EDA: variants seen among roughly 807,000 people sequenced by gnomAD.
EDA encodes ectodysplasin A, also known as ectodysplasin-A.
EDA carries 2 observed loss-of-function variants against 23.6 expected under a neutral mutation model. The ratio of observed to expected loss-of-function variants is 0.08; its 90% CI spans 0.03 to 0.27. The LOEUF (loss-of-function observed/expected upper bound fraction) is 0.27. EDA is among the 10% of genes least tolerant of loss of function. The pLI, the probability that EDA is intolerant of heterozygous loss-of-function variation, is 1.00. For missense variants in EDA, 229 were observed against 324.2 expected (o/e 0.71, Z 2.26); for synonymous variants, 131 against 132.0 (o/e 0.99, Z 0.05).
chrX:69,927,150 A>G (rs1433605214), intron 1 of EDA, among the ~76,000 whole-genome samples: 2 of 111,630 alleles, frequency 1.8e-5, no homozygotes, highest in Admixed American at 9.5e-5. Flanking sequence ...TAGCCCATTT[A>G]CATTTAAGGT....
intron 1 of EDA, among the ~76,000 whole-genome samples, chrX:69,730,162 CTATT>C (rs746480321): frequency 9.0e-6 from 1 of 111,527 alleles, no homozygotes; most frequent in East Asian, 2.8e-4. Context: ...CTGCACCAGC[CTATT>C]TATTTGTTTA....
At chrX:69,951,839 G>T (rs772767583) in intron 1 of EDA, among the ~76,000 whole-genome samples, 4 of 111,826 alleles carry the variant, frequency 3.6e-5, no homozygotes, top group Non-Finnish European at 5.7e-5. Context: ...AGGAAACAAG[G>T]GTGTAATCAC....
rs769626560 is a variant in EDA at position 69,688,074 on chromosome X, G to A, written c.396+71370G>A. On this transcript the variant is annotated intron_variant, in intron 1 of 7. Coordinates refer to ENST00000374552, the MANE Select transcript of EDA (RefSeq NM_001399.5). ...CCTACCCTCTTCACAGACTTATCAA[G>A]GGATTTTCACTGCCCTGGGAAAAAG... Among the ~76,000 whole-genome samples, 29 of 111,413 alleles carry A rather than the reference G, an allele frequency of 2.6e-4. No individual in the cohort carries two copies. The South Asian group carries it at 0.011, about 41-fold the overall frequency.
intron 1 of EDA, among the ~76,000 whole-genome samples, chrX:69,800,856 A>C (rs1450538750): frequency 9.0e-6 from 1 of 111,710 alleles, no homozygotes; most frequent in African/African-American, 3.2e-5. Context: ...GAGTCTCATA[A>C]AGTCTCATAT....
At position 70,038,410 on chromosome X, in the gene EDA, C is replaced by T. The variant is rs967908000; in HGVS notation, c.*2801C>T. ...ATGAGAGAATGTGGAAATAGATGTG[C>T]AGTTTGGAATTATGTTGGTGTGAAT... On this transcript the variant is annotated 3_prime_UTR_variant, in exon 8 of 8. Transcript: ENST00000374552. 1 of 110,593 alleles carries T rather than the reference C, an allele frequency of 9.0e-6. No homozygotes were observed. Among genetic ancestry groups the T allele is most frequent in the African/African-American group, 3.3e-5 (1 of 30,327 alleles). 9.1% of individuals were successfully genotyped at this position (110,593 alleles called of 1,213,427 possible). A position where few individuals can be genotyped will look rare whatever the true frequency, so the allele number is the denominator to read the frequency against.
At chrX:69,957,998 T>C (rs1317554242) in intron 2 of EDA, among the ~76,000 whole-genome samples, 3 of 112,057 alleles carry the variant, frequency 2.7e-5, no homozygotes, top group Non-Finnish European at 3.8e-5. Flanking sequence ...GTGATTGTTA[T>C]GTAAGTCGAT....
At chrX:69,665,792 T>A (rs1451463179) in intron 1 of EDA, among the ~76,000 whole-genome samples, 1 of 111,886 alleles carries the variant, frequency 8.9e-6, no homozygotes, top group Non-Finnish European at 1.9e-5. Context: ...GTTTTGTTTA[T>A]TCAAGGTCTT....
chrX:69,786,085 G>T (rs1365716547), intron 1 of EDA, among the ~76,000 whole-genome samples: 2 of 108,283 alleles, frequency 1.8e-5, no homozygotes, highest in Admixed American at 2.0e-4. Flanking sequence ...TTGCGTAGAG[G>T]TGTTTATAGT....
intron 2 of EDA, among the ~76,000 whole-genome samples, chrX:70,008,950 T>A (rs1222439787): frequency 8.9e-6 from 1 of 112,078 alleles, no homozygotes; most frequent in Non-Finnish European, 1.9e-5. Flanking sequence ...CAATTCAATT[T>A]TTTTATTACA....
intron 1 of EDA, among the ~76,000 whole-genome samples, chrX:69,740,527 G>T (rs1602354304): frequency 1.8e-5 from 2 of 110,592 alleles, no homozygotes; most frequent in East Asian, 2.8e-4. Context: ...AAACCTATTG[G>T]GTTCCCTTGT....
At position 69,726,479 on chromosome X, in the gene EDA, A is replaced by G. The variant is rs1225492082; in HGVS notation, c.396+109775A>G. 2.7e-5 allele frequency among the ~76,000 whole-genome samples: 3 copies of G among 112,491 alleles called. No individual in the cohort carries two copies. In the East Asian group the frequency reaches 8.3e-4, roughly 31 times the overall value. On this transcript the variant is annotated intron_variant, in intron 1 of 7. Transcript: ENST00000374552. ...TGTGATCTGTCCTTCACCACCTGCC[A>G]AAAGCAAAAGTAAATCTTTGGAGGA... is the stretch of plus-strand genomic sequence containing the variant.
intron 1 of EDA, among the ~76,000 whole-genome samples, chrX:69,687,849 T>C (rs1934592421): frequency 9.0e-6 from 1 of 111,631 alleles, no homozygotes; most frequent in East Asian, 2.8e-4. Flanking sequence ...TAGGTTAGGG[T>C]CCCTGAGAAA....
At chrX:69,899,217 C>T (rs2018063109) in intron 1 of EDA, among the ~76,000 whole-genome samples, 3 of 111,871 alleles carry the variant, frequency 2.7e-5, no homozygotes, top group Admixed American at 1.9e-4. Flanking sequence ...TGAACTAGTT[C>T]TGTGAGAGAC....
chrX:70,035,046 G>T (rs2020246154), intron 7 of EDA, among the ~76,000 whole-genome samples: 1 of 111,234 alleles, frequency 9.0e-6, no homozygotes, highest in Non-Finnish European at 1.9e-5. Context: ...GCTGGGGCAG[G>T]GGTGGGCGGG....
intron 1 of EDA, among the ~76,000 whole-genome samples, chrX:69,828,598 G>A (rs1014470202): frequency 5.4e-5 from 6 of 112,102 alleles, no homozygotes; most frequent in Admixed American, 1.9e-4. Context: ...TGTGCCCAGT[G>A]TCTGGCACTC....
intron 1 of EDA, among the ~76,000 whole-genome samples, chrX:69,819,635 A>G (rs923284394): frequency 2.7e-5 from 3 of 111,563 alleles, no homozygotes; most frequent in African/African-American, 9.8e-5. Flanking sequence ...AATTGCTACA[A>G]AAGGAATAAA....
At chrX:70,003,158 TG>T (rs2019760806) in intron 2 of EDA, among the ~76,000 whole-genome samples, 1 of 111,547 alleles carries the variant, frequency 9.0e-6, no homozygotes, top group Non-Finnish European at 1.9e-5. Flanking sequence ...GAGAGAGAAA[TG>T]CAGACAGGTG....
chrX:69,825,815 T>C (rs1287330694), intron 1 of EDA, among the ~76,000 whole-genome samples: 1 of 111,667 alleles, frequency 9.0e-6, no homozygotes, highest in East Asian at 2.8e-4. Context: ...GAATCTTTCC[T>C]GCTTTCTCTT....
intron 1 of EDA, among the ~76,000 whole-genome samples, chrX:69,720,242 G>A (rs1179784122): frequency 8.9e-6 from 1 of 111,798 alleles, no homozygotes; most frequent in Non-Finnish European, 1.9e-5. Context: ...TACAATTTCA[G>A]AACAGAAATT....
Sources: gnomAD v4.1 joint callset for allele counts (sites outside exome capture counted in the v4.1 genomes callset) on GRCh38, gnomAD v4.1.1 for gene constraint, MANE v1.5 for transcripts, NCBI Gene and HGNC (gene_info 2026-07-23, HGNC 2026-07-21) for gene names.